The following HS3ST5 variants were observed in gnomAD, a reference collection of about 807,000 sequenced individuals.
HS3ST5 encodes the protein heparan sulfate glucosamine 3-O-sulfotransferase 5.
In HS3ST5, 10 loss-of-function variants were observed where a neutral mutation model predicts 25.4. That is an observed-to-expected ratio of 0.39 (90% confidence interval 0.24 to 0.67). The LOEUF is 0.67. HS3ST5 is among the 30% of genes least tolerant of loss of function. The pLI is 0.44. For missense variants in HS3ST5, 324 were observed against 420.7 expected (o/e 0.77, Z 2.01); for synonymous variants, 170 against 162.4 (o/e 1.05, Z -0.36).
At chr6:114,061,134 A>G (rs917648852) in intron 4 of HS3ST5, among the ~76,000 whole-genome samples, 9 of 152,350 alleles carry the variant, frequency 5.9e-5, no homozygotes, top group Admixed American at 4.6e-4. Flanking sequence ...CAGAGTTAAA[A>G]AAATGAAAAG....
At chr6:114,198,841 C>G (rs930493762) in intron 2 of HS3ST5, among the ~76,000 whole-genome samples, 23 of 151,728 alleles carry the variant, frequency 1.5e-4, no homozygotes, top group Non-Finnish European at 2.8e-4. Flanking sequence ...GGTTGTATGC[C>G]TAATTCTCAT....
intron 3 of HS3ST5, among the ~76,000 whole-genome samples, chr6:114,099,223 C>T (rs1240739851): frequency 6.6e-6 from 1 of 152,136 alleles, no homozygotes; most frequent in Non-Finnish European, 1.5e-5. Flanking sequence ...GGCCAGCAAG[C>T]TACACCTGTT....
intron 3 of HS3ST5, among the ~76,000 whole-genome samples, chr6:114,077,892 G>A (rs1056720524): frequency 9.2e-5 from 14 of 152,164 alleles, no homozygotes; most frequent in African/African-American, 2.9e-4. Context: ...TTTCATTGTA[G>A]TTTTCATTAT....
chr6:114,111,927 C>T (rs1218291453), intron 3 of HS3ST5, among the ~76,000 whole-genome samples: 1 of 151,868 alleles, frequency 6.6e-6, no homozygotes, highest in Non-Finnish European at 1.5e-5. Context: ...CAGAAATTTT[C>T]TGACCTCCTT....
intron 1 of HS3ST5, among the ~76,000 whole-genome samples, chr6:114,250,511 G>T (rs1185458787): frequency 6.6e-6 from 1 of 151,702 alleles, no homozygotes; most frequent in Non-Finnish European, 1.5e-5. Flanking sequence ...AACCTGGGAG[G>T]CAGAGCTTGC....
At chr6:114,058,966 G>A (rs7766008) in intron 4 of HS3ST5, 83,824 of 152,056 alleles carry the variant, frequency 0.55, 23,877 homozygotes, top group African/African-American at 0.68. Context: ...AGGGCCAGAA[G>A]CCTCAAGCCC....
intron 3 of HS3ST5, among the ~76,000 whole-genome samples, chr6:114,131,773 T>C (rs1397416201): frequency 6.6e-6 from 1 of 152,188 alleles, no homozygotes. Context: ...AAATCATTAT[T>C]TACTATTGTT....
intron 2 of HS3ST5, among the ~76,000 whole-genome samples, chr6:114,203,751 C>G (rs796767807): frequency 9.2e-5 from 14 of 152,298 alleles, no homozygotes; most frequent in African/African-American, 3.4e-4. Context: ...TAGCCTCTCT[C>G]TGCCAAATTA....
At chr6:114,088,571 A>G (rs1045760051) in intron 3 of HS3ST5, among the ~76,000 whole-genome samples, 7 of 152,092 alleles carry the variant, frequency 4.6e-5, no homozygotes, top group African/African-American at 1.4e-4. Flanking sequence ...CTATTACGTT[A>G]TAAGTACTTA....
chr6:114,164,162 T>C (rs1454096101), intron 3 of HS3ST5, among the ~76,000 whole-genome samples: 2 of 152,202 alleles, frequency 1.3e-5, no homozygotes, highest in Admixed American at 1.3e-4. Flanking sequence ...GCTATTTCAC[T>C]ATCTTGCATA....
At chr6:114,133,253 T>G (rs1019393566) in intron 3 of HS3ST5, among the ~76,000 whole-genome samples, 26 of 152,190 alleles carry the variant, frequency 1.7e-4, no homozygotes, top group African/African-American at 6.3e-4. Context: ...GTCAGCTTCT[T>G]TGAACTTCCC....
In HS3ST5 at chr6:114,221,959, G is replaced by C. The variant is rs78910769; in HGVS notation, c.-145+6626C>G. Among the ~76,000 whole-genome samples the C allele has an allele frequency of 5.8e-3, 874 of 150,768 alleles. 7 individuals are homozygous for C. The highest frequency in any genetic ancestry group is 0.02 in the African/African-American group (833 of 41,386). On this transcript the variant is annotated intron_variant, in intron 2 of 4. Coordinates refer to ENST00000312719, the MANE Select transcript of HS3ST5 (RefSeq NM_153612.4). ...TTTGGAAATCCCACAGTATTGCTTG[G>C]GGAGAGCTTGTAAGTATCTCAAGTA...
intron 4 of HS3ST5, chr6:114,059,456 C>T (rs1772966550): frequency 6.6e-6 from 1 of 152,190 alleles, no homozygotes; most frequent in Non-Finnish European, 1.5e-5. Flanking sequence ...GAGAAACAAC[C>T]TCAAGGTCAT....
chr6:114,224,699 T>TACACACAC (rs71272382), intron 2 of HS3ST5, among the ~76,000 whole-genome samples: 1 of 144,334 alleles, frequency 6.9e-6, no homozygotes, highest in South Asian at 2.2e-4. Flanking sequence ...TATATATATA[T>TACACACAC]ACACACACAC....
intron 1 of HS3ST5, among the ~76,000 whole-genome samples, chr6:114,264,629 T>C (rs1235869827): frequency 6.6e-6 from 1 of 152,144 alleles, no homozygotes; most frequent in East Asian, 1.9e-4. Context: ...CTTATACTTA[T>C]TTGTAAGAGT....
chr6:114,168,277 A>G (rs1204124276), intron 3 of HS3ST5, 74 bp downstream of exon 3: 3 of 152,170 alleles, frequency 2.0e-5, no homozygotes, highest in African/African-American at 4.8e-5. Context: ...GATGGCAGGT[A>G]TATAACACGG....
At chr6:114,149,419 A>C (rs1485082814) in intron 3 of HS3ST5, among the ~76,000 whole-genome samples, 1 of 152,228 alleles carries the variant, frequency 6.6e-6, no homozygotes, top group African/African-American at 2.4e-5. Context: ...GGATGAGTTC[A>C]TGTCCTTTGC....
chr6:114,259,238 T>C (rs1280168814), intron 1 of HS3ST5, among the ~76,000 whole-genome samples: 1 of 152,234 alleles, frequency 6.6e-6, no homozygotes, highest in Non-Finnish European at 1.5e-5. Flanking sequence ...AGTAAAAACA[T>C]GAGCAATTAA....
chr6:114,231,795 T>C (rs1771604665), intron 1 of HS3ST5, among the ~76,000 whole-genome samples: 1 of 149,622 alleles, frequency 6.7e-6, no homozygotes, highest in Non-Finnish European at 1.5e-5. Context: ...TTTTTCTTAC[T>C]GGACATAAGC....
Sources: allele counts gnomAD v4.1 joint callset (sites outside exome capture counted in the v4.1 genomes callset), GRCh38; gene constraint gnomAD v4.1.1; transcripts MANE v1.5; gene names NCBI Gene and HGNC (gene_info 2026-07-23, HGNC 2026-07-21).